The following KLHDC4 variants were observed in gnomAD, a reference collection of about 807,000 sequenced individuals.
KLHDC4 encodes the protein kelch domain containing 4, also known as kelch domain-containing protein 4.
Under a neutral mutation model 62.4 loss-of-function variants are expected in KLHDC4, and 90 were observed. That is an observed-to-expected ratio of 1.44 (90% CI 1.22 to 1.72). KLHDC4 has a LOEUF of 1.72. Ranked by LOEUF, KLHDC4 falls within the 40% of genes most tolerant of loss-of-function variation. KLHDC4 has a pLI of 0.00. For synonymous variants in KLHDC4, 386 were observed against 284.4 expected (o/e 1.36, Z -3.59); for missense variants, 1,025 against 699.7 (o/e 1.47, Z -5.25).
At chr16:87,734,746 T>G (rs780181134) in intron 5 of KLHDC4, among the ~76,000 whole-genome samples, 1 of 152,184 alleles carries the variant, frequency 6.6e-6, no homozygotes, top group African/African-American at 2.4e-5. Flanking sequence ...CTAAGTTTCT[T>G]TGGAGTCCTG....
intron 5 of KLHDC4, among the ~76,000 whole-genome samples, chr16:87,743,790 C>CA (rs1163846046): frequency 6.6e-6 from 1 of 152,010 alleles, no homozygotes; most frequent in African/African-American, 2.4e-5. Context: ...CCTAACTTCC[C>CA]AGGGTGTTTA....
Position 87,711,375 on chromosome 16 carries a change from C to T in KLHDC4, c.904G>A (p.Ala302Thr), listed in dbSNP as rs756555006. The T allele has an allele frequency of 3.1e-6, 5 of 1,613,700 alleles. No individual in the cohort carries two copies. Among genetic ancestry groups the T allele is most frequent in the Non-Finnish European group, 4.2e-6 (5 of 1,180,038 alleles). ...AGTGTCTGGTGATTCGGGGCCATGG[C>T]CACGGAAAAGCCAGACCGTGGGGTG... Reference protein sequence around the residue: ...KPTPRSGFSVAMAPNHQTLFF... With the variant: ...KPTPRSGFSVTMAPNHQTLFF... The change falls in exon 9 of 12, where the codon GCC becomes ACC. Residue 302 changes from alanine (A) to threonine (T), a missense_variant. Transcript: ENST00000270583.
Position 87,708,095 on chromosome 16 carries a change from G to C in KLHDC4, c.*2-20C>G. The C allele has an allele frequency of 1.6e-6, 1 of 626,298 alleles. No homozygotes were observed. The highest frequency in any genetic ancestry group is 3.0e-6 in the Non-Finnish European group (1 of 336,420). The allele number at this position is 626,298 out of a possible 1,614,324, so 38.8% of individuals were successfully genotyped here. On this transcript the variant is annotated intron_variant, in intron 11 of 11. Transcript: ENST00000270583. ...GCTCTTCTGATACGCAAGGAGGAAGGAATGAGAGAGAAACACATTCAGCCG... is the reference window on the plus strand; with the variant it reads ...GCTCTTCTGATACGCAAGGAGGAAGCAATGAGAGAGAAACACATTCAGCCG...
chr16:87,714,678 T>C (rs2036584031), intron 7 of KLHDC4, 105 bp from the exon 8 acceptor site: 2 of 1,205,268 alleles, frequency 1.7e-6, no homozygotes, highest in East Asian at 2.3e-5. Flanking sequence ...CTGGAGGCCT[T>C]CCCTGTAGAC....
In KLHDC4 at chr16:87,749,953, C is replaced by G. The variant is rs115770714; in HGVS notation, c.370-1144G>C. 6.6e-5 allele frequency among the ~76,000 whole-genome samples: 10 copies of G among 152,314 alleles called. 1 individual carries two copies. The highest frequency in any genetic ancestry group is 6.5e-4 in the Admixed American group (10 of 15,296). ...GAAGGAGCGCAGCGGGAGTGATGCC[C>G]TCTGGGCCACACACGGCAAAGCACT... On this transcript the variant is annotated intron_variant, in intron 4 of 11. Transcript: ENST00000270583.
At chr16:87,753,887 C>T (rs1250267789) in intron 4 of KLHDC4, among the ~76,000 whole-genome samples, 2 of 150,318 alleles carry the variant, frequency 1.3e-5, no homozygotes, top group South Asian at 2.1e-4. Context: ...GCAGGAGAAT[C>T]GCTTGAACCC....
chr16:87,716,247 G>A (rs986030205), intron 7 of KLHDC4, among the ~76,000 whole-genome samples: 6 of 150,856 alleles, frequency 4.0e-5, no homozygotes, highest in African/African-American at 1.2e-4. Flanking sequence ...GCTATGTCTC[G>A]TGGATACTGA....
At chr16:87,742,006 G>A (rs1034938930) in intron 5 of KLHDC4, among the ~76,000 whole-genome samples, 8 of 152,160 alleles carry the variant, frequency 5.3e-5, no homozygotes, top group Admixed American at 1.3e-4. Flanking sequence ...TGCTCTGCAC[G>A]AGGCCTGACA....
At chr16:87,759,696 T>C (rs779044952) in intron 2 of KLHDC4, among the ~76,000 whole-genome samples, 5 of 148,584 alleles carry the variant, frequency 3.4e-5, no homozygotes, top group Non-Finnish European at 6.0e-5. Context: ...GCCGAGATCG[T>C]GCCATTGCAC....
At chr16:87,712,669 G>C (rs745583261) in intron 8 of KLHDC4, among the ~76,000 whole-genome samples, 1 of 152,270 alleles carries the variant, frequency 6.6e-6, no homozygotes, top group African/African-American at 2.4e-5. Context: ...CCTGGGAGAG[G>C]CACCTGGGCC....
exon 1 of KLHDC4, chr16:87,699,470 G>A (rs1011726059): frequency 6.6e-6 from 1 of 152,218 alleles, no homozygotes; most frequent in African/African-American, 2.4e-5. Flanking sequence ...AAGGCAGGTG[G>A]ATCACCTGAG....
At chr16:87,716,563 C>A (rs932981553) in intron 7 of KLHDC4, among the ~76,000 whole-genome samples, 1 of 152,158 alleles carries the variant, frequency 6.6e-6, no homozygotes, top group Non-Finnish European at 1.5e-5. Flanking sequence ...CCTATATACT[C>A]CCTGCTCGGC....
chr16:87,746,133 G>A (rs1167933941), intron 5 of KLHDC4, among the ~76,000 whole-genome samples: 4 of 152,030 alleles, frequency 2.6e-5, no homozygotes, highest in African/African-American at 4.8e-5. Context: ...AGCCCGGCAC[G>A]GTGGTGCACG....
At chr16:87,756,871 T>C (rs996219776) in intron 2 of KLHDC4, among the ~76,000 whole-genome samples, 2 of 151,992 alleles carry the variant, frequency 1.3e-5, no homozygotes, top group African/African-American at 4.8e-5. Context: ...TGGAGTGCAA[T>C]GGCACAATCT....
chr16:87,724,804 C>A (rs80046972), intron 7 of KLHDC4, among the ~76,000 whole-genome samples: 12 of 152,126 alleles, frequency 7.9e-5, no homozygotes, highest in Admixed American at 4.6e-4. Flanking sequence ...CACACCCACC[C>A]CAGGGCCCAG....
At chr16:87,702,363 G>A (rs1336639379) in exon 1 of KLHDC4, 2 of 440,800 alleles carry the variant, frequency 4.5e-6, no homozygotes, top group African/African-American at 4.0e-5. Context: ...GGGTGCAGGG[G>A]CAGGGGGGCG....
intron 5 of KLHDC4, among the ~76,000 whole-genome samples, chr16:87,739,287 C>T (rs369073109): frequency 2.0e-3 from 172 of 88,142 alleles, no homozygotes; most frequent in Middle Eastern, 0.018. Context: ...CACACCAGCA[C>T]CTCATCCATC....
intron 7 of KLHDC4, among the ~76,000 whole-genome samples, chr16:87,722,708 G>A (rs755287721): frequency 2.0e-5 from 3 of 152,346 alleles, no homozygotes; most frequent in African/African-American, 4.8e-5. Context: ...CTGCTGAGAC[G>A]AGGACCATGG....
chr16:87,704,445 T>C (rs1412005988), downstream of KLHDC4, among the ~76,000 whole-genome samples: 1 of 97,458 alleles, frequency 1.0e-5, no homozygotes, highest in Non-Finnish European at 1.9e-5. Context: ...AGGAGGCGCC[T>C]GGGGAGGGTC....
Sources: gnomAD v4.1 joint callset for allele counts (sites outside exome capture counted in the v4.1 genomes callset) on GRCh38, gnomAD v4.1.1 for gene constraint, MANE v1.5 for transcripts, NCBI Gene and HGNC (gene_info 2026-07-23, HGNC 2026-07-21) for gene names.